The following TMEM131L variants were observed in gnomAD, a reference collection of about 807,000 sequenced individuals.
TMEM131L encodes transmembrane 131 like, also known as transmembrane protein 131-like.
Under a neutral mutation model 192.2 loss-of-function variants are expected in TMEM131L, and 54 were observed. The ratio of observed to expected loss-of-function variants is 0.28; its 90% CI spans 0.23 to 0.35. TMEM131L has a LOEUF of 0.35. Among genes scored for constraint, TMEM131L ranks in the 10% least tolerant of loss-of-function variants. The pLI, the probability that TMEM131L is intolerant of heterozygous loss-of-function variation, is 1.00. For missense variants in TMEM131L, 1,888 were observed against 1,972.9 expected, an observed-to-expected ratio of 0.96 and a Z score of 0.82; for synonymous variants, 701 against 704.9, an observed-to-expected ratio of 0.99 and a Z score of 0.09.
chr4:153,634,724 A>G (rs1439315584), intron 33 of TMEM131L, among the ~76,000 whole-genome samples: 1 of 152,208 alleles, frequency 6.6e-6, no homozygotes, highest in Non-Finnish European at 1.5e-5. Flanking sequence ...AAGGAAGGAA[A>G]GAAGCTTGGA....
At chr4:153,527,023 A>G (rs1469732839) in intron 3 of TMEM131L, among the ~76,000 whole-genome samples, 1 of 152,132 alleles carries the variant, frequency 6.6e-6, no homozygotes, top group Non-Finnish European at 1.5e-5. Context: ...TAAATGTTGA[A>G]TGCATGAGGT....
At chr4:153,489,500 CAG>C (rs1479842230) in intron 3 of TMEM131L, among the ~76,000 whole-genome samples, 2 of 152,098 alleles carry the variant, frequency 1.3e-5, no homozygotes, top group Admixed American at 6.5e-5. Context: ...TTTCTTGAGA[CAG>C]AGTCTCACTC....
At chr4:153,546,212 AG>A (rs1447170489) in intron 3 of TMEM131L, among the ~76,000 whole-genome samples, 1 of 144,334 alleles carries the variant, frequency 6.9e-6, no homozygotes, top group African/African-American at 2.6e-5. Flanking sequence ...TTTAACTAGG[AG>A]CTTTTTTTTT....
intron 3 of TMEM131L, among the ~76,000 whole-genome samples, chr4:153,480,397 G>A (rs747092910): frequency 1.5e-4 from 22 of 151,556 alleles, no homozygotes; most frequent in Non-Finnish European, 2.8e-4. Context: ...GCATGAGCCT[G>A]TAGTCCCAGC....
chr4:153,619,099 G>A (rs116003606), intron 26 of TMEM131L, among the ~76,000 whole-genome samples: 2,006 of 152,152 alleles, frequency 0.013, 50 homozygotes, highest in African/African-American at 0.046. Flanking sequence ...TCACCCTTTC[G>A]CTTGCACAGG....
chr4:153,592,530 T>G lies in TMEM131L; in HGVS notation c.1868T>G (p.Leu623Arg). 6.2e-7 allele frequency: 1 copy of G among 1,614,214 alleles called. No individual in the cohort carries two copies. The highest frequency in any genetic ancestry group is 8.5e-7 in the Non-Finnish European group (1 of 1,180,020). The change falls in exon 18 of 35, where the codon CTG (leucine) becomes CGG (arginine). Residue 623 changes from leucine (L) to arginine (R), a missense_variant. Coordinates refer to ENST00000409959, the MANE Select transcript of TMEM131L (RefSeq NM_001131007.2). ...TCTTGGCCGGTCTCCTTGCAGCTCC[T>G]GCCTCTCTCCTTGTACCCTAAACCC... ...PSSWPVSLQL[L>R]PLSLYPKPEA...
intron 3 of TMEM131L, among the ~76,000 whole-genome samples, chr4:153,532,537 G>A (rs1367732579): frequency 6.6e-6 from 1 of 151,682 alleles, no homozygotes; most frequent in Non-Finnish European, 1.5e-5. Flanking sequence ...TAGTGTATTT[G>A]TGGGGTTTTG....
chr4:153,580,779 T>C (rs888066289), intron 7 of TMEM131L, 47 bp from the exon 8 acceptor site: 5 of 1,088,486 alleles, frequency 4.6e-6, no homozygotes, highest in Admixed American at 1.8e-5. Flanking sequence ...TAGTGTGAGA[T>C]TGAGCCTTTT....
chr4:153,554,314 T>G (rs1342555506), intron 4 of TMEM131L: 1 of 152,228 alleles, frequency 6.6e-6, no homozygotes, highest in African/African-American at 2.4e-5. Context: ...AAGAACACTT[T>G]GAAAAATCAG....
At chr4:153,550,514 G>A (rs2150407638) in intron 4 of TMEM131L, among the ~76,000 whole-genome samples, 1 of 152,262 alleles carries the variant, frequency 6.6e-6, no homozygotes, top group African/African-American at 2.4e-5. Context: ...TTTTAGTAGA[G>A]ACGGGGTTTC....
chr4:153,580,596 T>C (rs73856922), intron 7 of TMEM131L, among the ~76,000 whole-genome samples: 56 of 152,346 alleles, frequency 3.7e-4, no homozygotes, highest in African/African-American at 1.2e-3. Context: ...GGAGAACTTA[T>C]GATTTTCATT....
At chr4:153,608,929 G>A (rs1040543815) in intron 25 of TMEM131L, among the ~76,000 whole-genome samples, 1 of 152,006 alleles carries the variant, frequency 6.6e-6, no homozygotes, top group Non-Finnish European at 1.5e-5. Flanking sequence ...AGTGTACATC[G>A]TGAAACCATT....
In TMEM131L at chr4:153,580,819, C is replaced by A; in HGVS notation, c.661-7C>A. On this transcript the variant is annotated splice_region_variant and splice_polypyrimidine_tract_variant and intron_variant, in intron 7 of 34. Transcript: ENST00000409959. ...AAAGTTCTTTTCCTCCTTTTTTCTT[C>A]TTTTAGGCAGAAACCACTAATACTA... The A allele has an allele frequency of 6.3e-7, 1 of 1,593,124 alleles. No homozygotes were observed. Among genetic ancestry groups the A allele is most frequent in the Non-Finnish European group, 8.6e-7 (1 of 1,164,388 alleles).
intron 4 of TMEM131L, among the ~76,000 whole-genome samples, chr4:153,553,093 C>CTTTG (rs1737754829): frequency 6.6e-6 from 1 of 151,962 alleles, no homozygotes. Flanking sequence ...TGCTGAAAGT[C>CTTTG]TTTGATTTGA....
intron 3 of TMEM131L, among the ~76,000 whole-genome samples, chr4:153,530,247 T>G (rs966595764): frequency 2.0e-5 from 3 of 152,204 alleles, no homozygotes; most frequent in Non-Finnish European, 4.4e-5. Flanking sequence ...TTAGTATACT[T>G]AAACTGATAG....
At chr4:153,484,367 G>T (rs1732156407) in intron 3 of TMEM131L, among the ~76,000 whole-genome samples, 1 of 152,102 alleles carries the variant, frequency 6.6e-6, no homozygotes, top group Admixed American at 6.5e-5. Context: ...AATGATATGA[G>T]AAAAAGTCTT....
At chr4:153,591,256 G>A in intron 17 of TMEM131L, 62 bp downstream of exon 17, 2 of 1,439,168 alleles carry the variant, frequency 1.4e-6, no homozygotes, top group South Asian at 1.5e-5. Flanking sequence ...GGTTTTCAAA[G>A]TACCAGATTG....
chr4:153,508,686 T>TC (rs1341325466), intron 3 of TMEM131L, among the ~76,000 whole-genome samples: 5 of 151,718 alleles, frequency 3.3e-5, no homozygotes, highest in Admixed American at 6.6e-5. Context: ...TAATTTTTTT[T>TC]TTTTTTTTTA....
chr4:153,597,138 T>A (rs1399949290), intron 20 of TMEM131L, among the ~76,000 whole-genome samples: 1 of 152,120 alleles, frequency 6.6e-6, no homozygotes, highest in Admixed American at 6.5e-5. Flanking sequence ...GTTTGTTCTT[T>A]TGCAAATGAA....
Sources: allele counts gnomAD v4.1 joint callset (sites outside exome capture counted in the v4.1 genomes callset), GRCh38; gene constraint gnomAD v4.1.1; transcripts MANE v1.5; gene names NCBI Gene and HGNC (gene_info 2026-07-23, HGNC 2026-07-21).